Variants in TMPRSS11F observed in about 807,000 individuals in gnomAD.
TMPRSS11F encodes the protein transmembrane serine protease 11F, also known as transmembrane protease serine 11F.
TMPRSS11F carries 47 observed loss-of-function variants against 60.2 expected under a neutral mutation model. The ratio of observed to expected loss-of-function variants is 0.78; its 90% CI spans 0.62 to 1.00. The LOEUF (loss-of-function observed/expected upper bound fraction) is 1.00. Ranked by LOEUF, TMPRSS11F falls within the 50% of genes least tolerant of loss-of-function variation. TMPRSS11F has a pLI of 0.00. For synonymous variants in TMPRSS11F, 166 were observed against 167.3 expected, an observed-to-expected ratio of 0.99 and a Z score of 0.06; for missense variants, 519 against 522.9, an observed-to-expected ratio of 0.99 and a Z score of 0.07.
At chr4:68,103,059 C>G (rs1044027610) in intron 1 of TMPRSS11F, among the ~76,000 whole-genome samples, 3 of 144,004 alleles carry the variant, frequency 2.1e-5, no homozygotes, top group African/African-American at 7.7e-5. Context: ...GTTTAATTTA[C>G]CATACCAGTA....
chr4:68,054,100 C>A (rs780911712), intron 9 of TMPRSS11F, 33 bp from the exon 10 acceptor site: 2 of 1,594,206 alleles, frequency 1.3e-6, no homozygotes, highest in Admixed American at 3.4e-5. Flanking sequence ...ATTGTTAACT[C>A]TACTTTAATT....
chr4:68,065,888 C>A (rs182904509), intron 7 of TMPRSS11F, among the ~76,000 whole-genome samples: 2 of 152,082 alleles, frequency 1.3e-5, no homozygotes, highest in Non-Finnish European at 2.9e-5. Context: ...GAGGCCAAGG[C>A]GGGTAGACCA....
intron 1 of TMPRSS11F, among the ~76,000 whole-genome samples, chr4:68,115,758 C>T (rs995444373): frequency 6.6e-6 from 1 of 151,974 alleles, no homozygotes; most frequent in Non-Finnish European, 1.5e-5. Context: ...AAAGCAGTAA[C>T]ATATACAATA....
At chr4:68,126,532 C>A (rs1724716997) in intron 1 of TMPRSS11F, among the ~76,000 whole-genome samples, 1 of 152,174 alleles carries the variant, frequency 6.6e-6, no homozygotes, top group Admixed American at 6.5e-5. Flanking sequence ...TATGTGCATA[C>A]ATAGATACAT....
intron 5 of TMPRSS11F, among the ~76,000 whole-genome samples, chr4:68,071,699 A>G (rs1467689397): frequency 2.0e-5 from 3 of 152,156 alleles, no homozygotes; most frequent in Admixed American, 6.5e-5. Context: ...AAACTTTTTG[A>G]ACTTCCTTTT....
chr4:68,060,016 G>A (rs1723124526), intron 8 of TMPRSS11F, among the ~76,000 whole-genome samples: 1 of 152,122 alleles, frequency 6.6e-6, no homozygotes, highest in African/African-American at 2.4e-5. Context: ...GGTGTTAGGA[G>A]GAGAGGATAC....
At chr4:68,111,198 C>T (rs1724404597) in intron 1 of TMPRSS11F, among the ~76,000 whole-genome samples, 1 of 152,096 alleles carries the variant, frequency 6.6e-6, no homozygotes, top group South Asian at 2.1e-4. Context: ...CCAGTTGGAG[C>T]TTATACATCT....
chr4:68,111,225 C>G (rs1427945243), intron 1 of TMPRSS11F, among the ~76,000 whole-genome samples: 4 of 152,134 alleles, frequency 2.6e-5, no homozygotes, highest in African/African-American at 9.7e-5. Flanking sequence ...ACAATCTTCA[C>G]CCATCTCAGT....
chr4:68,116,205 C>T (rs570838338), intron 1 of TMPRSS11F, among the ~76,000 whole-genome samples: 17 of 152,020 alleles, frequency 1.1e-4, no homozygotes, highest in South Asian at 2.1e-4. Context: ...GAAATATACA[C>T]GTATTAGAAT....
chr4:68,089,243 A>G (rs2109862951), intron 3 of TMPRSS11F, among the ~76,000 whole-genome samples: 1 of 152,258 alleles, frequency 6.6e-6, no homozygotes, highest in Admixed American at 6.6e-5. Flanking sequence ...GAAATAATTC[A>G]TAAATTTTAC....
chr4:68,079,372 T>C lies in TMPRSS11F; in HGVS notation c.283-5363A>G, dbSNP rs1185689729. On this transcript the variant is annotated intron_variant, in intron 3 of 9. Transcript: ENST00000356291. ...GAATTAATTACATATTTGAAGCAGA[T>C]GTTAAAGTTGGTGGGAGACAGGCAG... Among the ~76,000 whole-genome samples the C allele has an allele frequency of 3.3e-5, 5 of 152,126 alleles. 1 individual carries two copies. Among genetic ancestry groups the C allele is most frequent in the Non-Finnish European group, 7.4e-5 (5 of 68,016 alleles).
intron 3 of TMPRSS11F, among the ~76,000 whole-genome samples, chr4:68,082,265 C>A (rs1158455839): frequency 2.6e-5 from 4 of 152,126 alleles, no homozygotes; most frequent in Non-Finnish European, 5.9e-5. Flanking sequence ...TCCCACAACC[C>A]CCATAGATAC....
At chr4:68,120,573 A>G (rs1391551268) in intron 1 of TMPRSS11F, among the ~76,000 whole-genome samples, 2 of 151,588 alleles carry the variant, frequency 1.3e-5, no homozygotes, top group Non-Finnish European at 2.9e-5. Context: ...TATTTTTAGT[A>G]GAGACGGGGT....
intron 1 of TMPRSS11F, among the ~76,000 whole-genome samples, chr4:68,116,040 C>T (rs1577935956): frequency 6.6e-6 from 1 of 151,700 alleles, no homozygotes; most frequent in Non-Finnish European, 1.5e-5. Flanking sequence ...TTTTCTAGGT[C>T]ATTTGCTTTT....
chr4:68,111,161 TTA>T (rs1724403705), intron 1 of TMPRSS11F, among the ~76,000 whole-genome samples: 1 of 152,150 alleles, frequency 6.6e-6, no homozygotes, highest in Non-Finnish European at 1.5e-5. Context: ...AGTCCCTTTT[TTA>T]TATGACTTGT....
At chr4:68,072,867 C>A (rs970418498) in intron 4 of TMPRSS11F, among the ~76,000 whole-genome samples, 1 of 152,108 alleles carries the variant, frequency 6.6e-6, no homozygotes, top group African/African-American at 2.4e-5. Flanking sequence ...TGTCATTATT[C>A]TTTAGAAGTG....
rs1723293709 is a variant in TMPRSS11F, at chr4:68,064,934, G to A, written c.766C>T (p.Pro256Ser). Residue 256 changes from proline to serine, a missense_variant, in exon 8 of 10, where the codon CCA becomes TCA. Transcript: ENST00000356291. ...CCAAAAGTAGCAATCCATTGAGTTGGGTCTTTATTTCTGCAAAAAATTAAA... is the reference window on the plus strand; with the variant it reads ...CCAAAAGTAGCAATCCATTGAGTTGAGTCTTTATTTCTGCAAAAAATTAAA... ...AAHCFWKNKD[P>S]TQWIATFGAT... 6.2e-7 allele frequency: 1 copy of A among 1,609,892 alleles called. No individual in the cohort carries two copies. The highest frequency in any genetic ancestry group is 8.5e-7 in the Non-Finnish European group (1 of 1,178,478).
Position 68,060,230 on chromosome 4 carries a change from A to T in TMPRSS11F, c.1016-762T>A, listed in dbSNP as rs1288051735. Reference sequence around the variant, plus strand: ...TAAGATATATTAGCAGTAGTTGGCCAGGCGTGGTGGCTCACACCTGTAATC... The same window carrying T: ...TAAGATATATTAGCAGTAGTTGGCCTGGCGTGGTGGCTCACACCTGTAATC... On this transcript the variant is annotated intron_variant, in intron 8 of 9. Transcript: ENST00000356291. Among the ~76,000 whole-genome samples the T allele has an allele frequency of 2.0e-5, 3 of 151,646 alleles. No individual in the cohort carries two copies. The East Asian group carries it at 5.8e-4, about 29-fold the overall frequency.
At chr4:68,063,235 C>T in intron 8 of TMPRSS11F, 2 of 578,106 alleles carry the variant, frequency 3.5e-6, no homozygotes, top group Non-Finnish European at 6.9e-6. Flanking sequence ...AGTTCATGTA[C>T]TCCACAGGTT....
Sources: gnomAD v4.1 joint callset for allele counts (sites outside exome capture counted in the v4.1 genomes callset) on GRCh38, gnomAD v4.1.1 for gene constraint, MANE v1.5 for transcripts, NCBI Gene and HGNC (gene_info 2026-07-23, HGNC 2026-07-21) for gene names.